Variants in MTA1 observed in about 807,000 individuals in gnomAD.
MTA1 encodes metastasis associated 1, also known as metastasis-associated protein MTA1.
A neutral mutation model predicts 97.0 loss-of-function variants in MTA1; 15 were observed. The ratio of observed to expected loss-of-function variants is 0.15; its 90% CI spans 0.10 to 0.24. The LOEUF (loss-of-function observed/expected upper bound fraction) is 0.24, where lower values mean the gene tolerates loss of function less well. MTA1 is among the 10% of genes least tolerant of loss of function. The pLI, the probability that MTA1 is intolerant of heterozygous loss-of-function variation, is 1.00. For synonymous variants in MTA1, 435 were observed against 417.5 expected, an observed-to-expected ratio of 1.04 and a Z score of -0.51; for missense variants, 709 against 1,015.1, an observed-to-expected ratio of 0.70 and a Z score of 4.10.
At position 105,469,922 on chromosome 14, in the gene MTA1, G is replaced by C. The variant is rs1555433951; in HGVS notation, c.1927G>C (p.Val643Leu). 1 of 1,612,094 alleles carries C rather than the reference G, an allele frequency of 6.2e-7. No individual in the cohort carries two copies. Among genetic ancestry groups the C allele is most frequent in the Non-Finnish European group, 8.5e-7 (1 of 1,179,678 alleles). ...GATCCGGGGGGGCTCCCTGCCCCCA[G>C]TCAAGCGGCGGCGGATGAACTGGAT... is the stretch of plus-strand genomic sequence containing the variant. ...RLIRGGSLPP[V>L]KRRRMNWIDA... The change falls in exon 20 of 21, where the codon GTC becomes CTC. Residue 643 changes from valine to leucine, a missense_variant. By Grantham distance (32) the Val-to-Leu change is conservative. Around this residue, in one of 2 missense-constraint regions of MTA1, gnomAD observed 388 missense variants for 421.6 expected, o/e 0.92. Coordinates refer to ENST00000331320, the MANE Select transcript of MTA1 (RefSeq NM_004689.4).
chr14:105,460,245 T>A, intron 8 of MTA1, 113 bp from the exon 9 acceptor site: 1 of 909,052 alleles, frequency 1.1e-6, no homozygotes, highest in Non-Finnish European at 1.6e-6. Context: ...GTGGTGTGCC[T>A]TGGGGGAGTC....
At chr14:105,423,804 A>G (rs1208654221) in intron 1 of MTA1, among the ~76,000 whole-genome samples, 5 of 152,156 alleles carry the variant, frequency 3.3e-5, no homozygotes, top group Admixed American at 6.5e-5. Context: ...TTATTGCTCT[A>G]TATACTTGCC....
At chr14:105,433,206 G>T (rs1443418392) in intron 1 of MTA1, among the ~76,000 whole-genome samples, 2 of 152,168 alleles carry the variant, frequency 1.3e-5, no homozygotes, top group African/African-American at 4.8e-5. Context: ...AGACGTGGGC[G>T]GTGTGTAGGT....
rs782142801 is a variant in MTA1, at chr14:105,463,718, C to T, written c.1076+167C>T. 55 of 665,668 alleles carry T rather than the reference C, an allele frequency of 8.3e-5. No individual in the cohort carries two copies. Among genetic ancestry groups the T allele is most frequent in the Admixed American group, 4.8e-4 (17 of 35,612 alleles). The allele number at this position is 665,668 out of a possible 1,614,324, so 41.2% of individuals were successfully genotyped here. A position where few individuals can be genotyped will look rare whatever the true frequency, so the allele number is the denominator to read the frequency against. On this transcript the variant is annotated intron_variant, in intron 12 of 20. Coordinates refer to ENST00000331320, the MANE Select transcript of MTA1 (RefSeq NM_004689.4). This position sits in a 1 kb window ranked among gnomAD's most constrained non-coding sequence, Gnocchi z 5.9. ...AGGGCTGGGGGGTTCTGGCTGCAGACGCAGTGGCCATGTCTCTGTCGTCCT... is the reference window on the plus strand; with the variant it reads ...AGGGCTGGGGGGTTCTGGCTGCAGATGCAGTGGCCATGTCTCTGTCGTCCT...
chr14:105,441,631 AAAAATAC>A (rs2082522821), intron 2 of MTA1, among the ~76,000 whole-genome samples: 1 of 152,158 alleles, frequency 6.6e-6, no homozygotes, highest in African/African-American at 2.4e-5. Context: ...CGTCTCTACT[AAAAATAC>A]AAAAAATTAG....
intron 2 of MTA1, among the ~76,000 whole-genome samples, chr14:105,442,107 A>C (rs2141507360): frequency 6.6e-6 from 1 of 152,338 alleles, no homozygotes; most frequent in South Asian, 2.1e-4. Context: ...GGAGCGAGCA[A>C]AGCAATAAAG....
Position 105,464,780 on chromosome 14 carries a change from G to A in MTA1, c.1451G>A (p.Arg484His), listed in dbSNP as rs146825093. 11 of 1,607,894 alleles carry A rather than the reference G, an allele frequency of 6.8e-6. No homozygotes were observed. Among genetic ancestry groups the A allele is most frequent in the East Asian group, 2.2e-5 (1 of 44,754 alleles). Residue 484 changes from arginine (R) to histidine (H), a missense_variant, in exon 15 of 21, where the codon CGC becomes CAC. This residue lies in a region of MTA1 where 388 missense variants were observed against 421.6 expected (regional missense o/e 0.92). Coordinates refer to ENST00000331320, the MANE Select transcript of MTA1 (RefSeq NM_004689.4). ...ACGAAGCTGACGCGGATCGCCCGGCGCCTGTGCCGTGAGATCCTGCGCCCG... is the reference window on the plus strand; with the variant it reads ...ACGAAGCTGACGCGGATCGCCCGGCACCTGTGCCGTGAGATCCTGCGCCCG... ...HTTKLTRIAR[R>H]LCREILRPWH... is the part of the protein sequence containing the mutation.
chr14:105,449,238 C>A, intron 3 of MTA1, 121 bp from the exon 4 acceptor site: 1 of 961,894 alleles, frequency 1.0e-6, no homozygotes. Flanking sequence ...CACCGGGAGG[C>A]CTGCGGCCCC....
intron 7 of MTA1, among the ~76,000 whole-genome samples, chr14:105,457,838 T>C (rs2083209918): frequency 6.6e-6 from 1 of 151,950 alleles, no homozygotes; most frequent in Non-Finnish European, 1.5e-5. Context: ...GGCAGGAGAA[T>C]CGCTTGAACC....
Position 105,420,172 on chromosome 14 carries a change from C to A in MTA1, c.28+109C>A. ...CCCCGCAGGCCCCGCGCCCCCCGCC[C>A]GCCCTCGCGGCCCCCGGCTCCTTCC... On this transcript the variant is annotated intron_variant, in intron 1 of 20. Coordinates refer to ENST00000331320, the MANE Select transcript of MTA1 (RefSeq NM_004689.4). This position sits in a 1 kb window ranked among gnomAD's most constrained non-coding sequence, Gnocchi z 5.3. 3.7e-6 allele frequency: 2 copies of A among 535,748 alleles called. No individual in the cohort carries two copies. The highest frequency in any genetic ancestry group is 4.8e-6 in the Non-Finnish European group (2 of 416,732). The allele number at this position is 535,748 out of a possible 1,614,324, so 33.2% of individuals were successfully genotyped here.
chr14:105,463,786 C>T lies in MTA1; in HGVS notation c.1076+235C>T. On this transcript the variant is annotated intron_variant, in intron 12 of 20. Coordinates refer to ENST00000331320, the MANE Select transcript of MTA1 (RefSeq NM_004689.4). This position sits in a 1 kb window ranked among gnomAD's most constrained non-coding sequence, Gnocchi z 5.9. ...GGGGGCATTGGGATTCCAGCCCACA[C>T]CGCCAGGGTTCAGTCCCTGAGCTGG... is the stretch of plus-strand genomic sequence containing the variant. The T allele has an allele frequency of 1.6e-6, 1 of 622,480 alleles. No individual in the cohort carries two copies. The highest frequency in any genetic ancestry group is 2.8e-6 in the Non-Finnish European group (1 of 352,908). 38.6% of individuals were successfully genotyped at this position (622,480 alleles called of 1,614,324 possible).
Position 105,463,468 on chromosome 14 carries a change from C to CTCTG in MTA1, c.1018-24_1018-21dup, listed in dbSNP as rs1305444989. 1.6e-5 allele frequency: 26 copies of CTCTG among 1,612,822 alleles called. No homozygotes were observed. The highest frequency in any genetic ancestry group is 2.2e-5 in the Non-Finnish European group (26 of 1,179,798). ...CCCAACCTGGGCCTAGCCTGCTGAC[C>CTCTG]TCTGACCTTCTCTTTTGTTTTAAGA... On this transcript the variant is annotated intron_variant, in intron 11 of 20. Transcript: ENST00000331320. This position sits in a 1 kb window ranked among gnomAD's most constrained non-coding sequence, Gnocchi z 5.9.
chr14:105,439,459 G>C (rs12147984), intron 2 of MTA1, among the ~76,000 whole-genome samples: 1,905 of 152,290 alleles, frequency 0.013, 19 homozygotes, highest in Non-Finnish European at 0.02. Flanking sequence ...CCACTGCCTC[G>C]GCACAGCCTC....
chr14:105,467,313 G>T (rs2083635647), intron 18 of MTA1: 2 of 428,886 alleles, frequency 4.7e-6, no homozygotes, highest in African/African-American at 2.0e-5. Flanking sequence ...TGGGGCCCGG[G>T]TGTGCAAGTG....
chr14:105,448,871 C>T (rs906310125), intron 3 of MTA1, among the ~76,000 whole-genome samples: 9 of 152,376 alleles, frequency 5.9e-5, no homozygotes, highest in East Asian at 5.8e-4. Context: ...CTCAGAGAGC[C>T]GGCAGGGCGC....
At chr14:105,425,454 T>C (rs918265673) in intron 1 of MTA1, among the ~76,000 whole-genome samples, 2 of 152,028 alleles carry the variant, frequency 1.3e-5, no homozygotes, top group Non-Finnish European at 2.9e-5. Flanking sequence ...TTTAAGATTT[T>C]TTATAGAGGC....
intron 2 of MTA1, among the ~76,000 whole-genome samples, chr14:105,443,718 G>A (rs1164711170): frequency 2.0e-5 from 3 of 152,166 alleles, no homozygotes; most frequent in Non-Finnish European, 2.9e-5. Flanking sequence ...AGGCCAAGGC[G>A]GGCAGATTGC....
At chr14:105,437,608 T>C (rs2082372110) in intron 1 of MTA1, among the ~76,000 whole-genome samples, 1 of 152,206 alleles carries the variant, frequency 6.6e-6, no homozygotes, top group African/African-American at 2.4e-5. Flanking sequence ...CGGCACGGGT[T>C]TGGCCTCCGT....
Position 105,464,467 on chromosome 14 carries a change from G to A in MTA1, c.1244G>A (p.Arg415His), listed in dbSNP as rs782239642. 1.3e-5 allele frequency: 21 copies of A among 1,613,590 alleles called. No homozygotes were observed. The highest frequency in any genetic ancestry group is 6.6e-5 in the South Asian group (6 of 91,088). Residue 415 changes from arginine to histidine, a missense_variant, in exon 14 of 21, where the codon CGT (arginine) becomes CAT (histidine). Arg to His is a conservative substitution (Grantham distance 29). Transcript: ENST00000331320. ...YSWGPPNMQC[R>H]LCASCWTYWK... ...TGGGGTCCCCCTAACATGCAGTGTC[G>A]TCTCTGCGCATCTTGTTGGACATAT...
Sources: allele counts gnomAD v4.1 joint callset (sites outside exome capture counted in the v4.1 genomes callset), GRCh38; gene constraint gnomAD v4.1.1; regional missense constraint gnomAD v4.1.1; non-coding constraint Gnocchi (gnomAD v3.1); transcripts MANE v1.5; gene names NCBI Gene and HGNC (gene_info 2026-07-23, HGNC 2026-07-21).